Variants in OTUD7A observed in about 807,000 individuals in gnomAD.
The protein encoded by OTUD7A is OTU deubiquitinase 7A.
Under a neutral mutation model 65.7 loss-of-function variants are expected in OTUD7A, and 12 were observed. The ratio of observed to expected loss-of-function variants is 0.18; its 90% confidence interval spans 0.12 to 0.30. The LOEUF is 0.30. Ranked by LOEUF, OTUD7A falls within the 10% of genes least tolerant of loss-of-function variation. The pLI is 1.00. For synonymous variants in OTUD7A, 641 were observed against 586.3 expected, an observed-to-expected ratio of 1.09 and a Z score of -1.35; for missense variants, 1,148 against 1,304.8, an observed-to-expected ratio of 0.88 and a Z score of 1.85.
chr15:31,498,986 C>T lies in OTUD7A; in HGVS notation c.1171+2704G>A, dbSNP rs1275083768. ...GGTCAGTGGCGGCATCAGCAGTAGC[C>T]GGGCCACGGCAGTAGCACCTATAAG... On this transcript the variant is annotated intron_variant, in intron 10 of 12. Coordinates refer to ENST00000307050, the MANE Select transcript of OTUD7A (RefSeq NM_001382637.1). This position sits in a 1 kb window ranked among gnomAD's most constrained non-coding sequence, Gnocchi z 4.2. Among the ~76,000 whole-genome samples, 2 of 152,066 alleles carry T rather than the reference C, an allele frequency of 1.3e-5. No homozygotes were observed. The highest frequency in any genetic ancestry group is 2.1e-4 in the South Asian group (1 of 4,826).
rs535393703 is a variant in OTUD7A at position 31,503,941 on chromosome 15, G to A, written c.894-123C>T. On this transcript the variant is annotated intron_variant, in intron 8 of 12. Transcript: ENST00000307050. ...TCTGGATATTATCTTCATGGACCCC[G>A]GCAGCTGCGCCATCCTGGGCCACTT... 270 of 1,198,940 alleles carry A rather than the reference G, an allele frequency of 2.3e-4. 1 individual carries two copies. Among genetic ancestry groups the A allele is most frequent in the South Asian group, 3.3e-4 (23 of 69,600 alleles). The allele number at this position is 1,198,940 out of a possible 1,614,324, so 74.3% of individuals were successfully genotyped here. A position where few individuals can be genotyped will look rare whatever the true frequency, so the allele number is the denominator to read the frequency against.
intron 8 of OTUD7A, among the ~76,000 whole-genome samples, chr15:31,519,168 A>G (rs1422311166): frequency 6.6e-6 from 1 of 152,180 alleles, no homozygotes; most frequent in African/African-American, 2.4e-5. Context: ...ACACTTGCCC[A>G]TGTGTGCCCA....
intron 1 of OTUD7A, among the ~76,000 whole-genome samples, chr15:31,737,085 G>A (rs970557401): frequency 1.3e-5 from 2 of 152,164 alleles, no homozygotes; most frequent in Admixed American, 6.5e-5. Context: ...GCCTCCCAAA[G>A]TGCTGGAATT....
intron 10 of OTUD7A, among the ~76,000 whole-genome samples, chr15:31,500,824 T>C (rs1205966351): frequency 6.6e-6 from 1 of 152,232 alleles, no homozygotes; most frequent in Non-Finnish European, 1.5e-5. Context: ...TCTGAAATAG[T>C]TGGTCTTGCC....
At chr15:31,609,444 G>A (rs1044460797) in intron 3 of OTUD7A, among the ~76,000 whole-genome samples, 3 of 152,072 alleles carry the variant, frequency 2.0e-5, no homozygotes, top group African/African-American at 4.8e-5. Context: ...TGTGACTACC[G>A]AATTGCCCCA....
intron 1 of OTUD7A, among the ~76,000 whole-genome samples, chr15:31,803,828 G>A (rs1270698628): frequency 6.6e-6 from 1 of 152,224 alleles, no homozygotes; most frequent in Admixed American, 6.5e-5. Context: ...TGAAAAGCCA[G>A]TGGAGGCCCC....
intron 4 of OTUD7A, among the ~76,000 whole-genome samples, chr15:31,559,656 A>G (rs187672709): frequency 4.5e-4 from 68 of 152,200 alleles, no homozygotes; most frequent in African/African-American, 1.6e-3. Flanking sequence ...ACATAGAAAC[A>G]GTTGGCACAT....
chr15:31,584,634 C>T (rs567037095), intron 3 of OTUD7A, among the ~76,000 whole-genome samples: 6 of 152,306 alleles, frequency 3.9e-5, no homozygotes, highest in South Asian at 4.1e-4. Flanking sequence ...TCCAAAGAAT[C>T]GCAAGATTGT....
chr15:31,816,125 C>A (rs1265949726), intron 1 of OTUD7A, among the ~76,000 whole-genome samples: 1 of 152,214 alleles, frequency 6.6e-6, no homozygotes, highest in East Asian at 1.9e-4. Context: ...GCTTTGAGGG[C>A]TCCGGCCTCT....
rs536505510 is a variant in OTUD7A at position 31,640,848 on chromosome 15, ATG to A, written c.151+14246_151+14247del. Among the ~76,000 whole-genome samples the A allele has an allele frequency of 1.5e-4, 23 of 151,986 alleles. No homozygotes were observed. In the South Asian group the frequency reaches 4.4e-3, roughly 29 times the overall value. On this transcript the variant is annotated intron_variant, in intron 3 of 12. Transcript: ENST00000307050. ...TACCCCTTTGTGCATATGTGTGTGT[ATG>A]TGTGTGTGTATGTGTGTGTGCCTTG...
At chr15:31,789,041 A>C (rs542752844) in intron 1 of OTUD7A, among the ~76,000 whole-genome samples, 1 of 152,214 alleles carries the variant, frequency 6.6e-6, no homozygotes, top group South Asian at 2.1e-4. Context: ...ATAATCTTAC[A>C]CCCAGTTAGA....
chr15:31,807,089 C>T (rs1256096395), intron 1 of OTUD7A, among the ~76,000 whole-genome samples: 4 of 152,234 alleles, frequency 2.6e-5, no homozygotes, highest in African/African-American at 9.6e-5. Flanking sequence ...TCAATTCTCC[C>T]TTATTTGTCA....
chr15:31,717,710 T>C (rs1304324436), intron 1 of OTUD7A, among the ~76,000 whole-genome samples: 1 of 152,244 alleles, frequency 6.6e-6, no homozygotes, highest in South Asian at 2.1e-4. Context: ...TACATGTGCA[T>C]GTGTCTTTAT....
At chr15:31,596,724 T>A (rs1243872727) in intron 3 of OTUD7A, among the ~76,000 whole-genome samples, 1 of 152,224 alleles carries the variant, frequency 6.6e-6, no homozygotes. Flanking sequence ...ATTTGCCTGA[T>A]GACTAATATG....
chr15:31,546,156 T>G (rs551373746), intron 5 of OTUD7A, among the ~76,000 whole-genome samples: 1 of 152,208 alleles, frequency 6.6e-6, no homozygotes, highest in Non-Finnish European at 1.5e-5. Context: ...AGAATTTCAG[T>G]ATCTGGAGGG....
chr15:31,511,702 T>C (rs536086438), intron 8 of OTUD7A, among the ~76,000 whole-genome samples: 1 of 138,790 alleles, frequency 7.2e-6, no homozygotes, highest in South Asian at 2.4e-4. Flanking sequence ...TATCTATATG[T>C]AACACACATA....
intron 5 of OTUD7A, among the ~76,000 whole-genome samples, chr15:31,535,307 GCTGT>G (rs748235884): frequency 3.2e-4 from 48 of 152,256 alleles, no homozygotes; most frequent in Non-Finnish European, 4.0e-4. Context: ...TTTTCCCTGT[GCTGT>G]CTCTCTCCTG....
rs1349986750 is a variant in OTUD7A, at chr15:31,484,356, C to T, written c.1740G>A (p.Glu580=). The T allele has an allele frequency of 1.9e-6, 3 of 1,601,196 alleles. No homozygotes were observed. Among genetic ancestry groups the T allele is most frequent in the South Asian group, 1.1e-5 (1 of 91,042 alleles). The change falls in exon 13 of 13, where the codon GAG becomes GAA. Residue 580 remains glutamate (E), a synonymous_variant. Coordinates refer to ENST00000307050, the MANE Select transcript of OTUD7A (RefSeq NM_001382637.1). This position sits in a 1 kb window ranked among gnomAD's most constrained non-coding sequence, Gnocchi z 4.5. ...KKAKSRKGSK[E]ESGASASTSP... ...ACGTGCTGGCCGACGCACCAGACTC[C>T]TCCTTGCTGCCCTTGCGCGACTTGG...
At chr15:31,514,811 A>G (rs2041817962) in intron 8 of OTUD7A, among the ~76,000 whole-genome samples, 1 of 152,246 alleles carries the variant, frequency 6.6e-6, no homozygotes, top group Non-Finnish European at 1.5e-5. Flanking sequence ...TTCAGCAAGG[A>G]AGGAAAGGGA....
Sources: gnomAD v4.1 joint callset for allele counts (sites outside exome capture counted in the v4.1 genomes callset) on GRCh38, gnomAD v4.1.1 for gene constraint, Gnocchi (gnomAD v3.1) non-coding constraint, MANE v1.5 for transcripts, NCBI Gene and HGNC (gene_info 2026-07-23, HGNC 2026-07-21) for gene names.